Variants in RBFOX1 observed in about 807,000 individuals in gnomAD.
RBFOX1 encodes the protein RNA binding fox-1 homolog 1.
RBFOX1 carries 8 observed loss-of-function variants against 57.7 expected under a neutral mutation model. The observed-to-expected ratio is 0.14, with a 90% CI of 0.08 to 0.25. RBFOX1 has a LOEUF of 0.25. Ranked by LOEUF, RBFOX1 falls within the 10% of genes least tolerant of loss-of-function variation. The pLI, the probability that RBFOX1 is intolerant of heterozygous loss-of-function variation, is 1.00. For missense variants in RBFOX1, 611 were observed against 548.5 expected (o/e 1.11, Z -1.14); for synonymous variants, 326 against 222.4 (o/e 1.47, Z -4.15).
At chr16:6,970,946 G>A (rs1173909946) in intron 3 of RBFOX1, among the ~76,000 whole-genome samples, 1 of 152,138 alleles carries the variant, frequency 6.6e-6, no homozygotes, top group South Asian at 2.1e-4. Flanking sequence ...GCACACAGGT[G>A]CACGTGCATA....
intron 4 of RBFOX1, among the ~76,000 whole-genome samples, chr16:5,889,355 G>A (rs1017654936): frequency 3.3e-5 from 5 of 152,140 alleles, no homozygotes; most frequent in African/African-American, 1.2e-4. Context: ...GTTGGCTGAG[G>A]ATAATGGCTT....
chr16:6,134,313 G>A (rs1230799836), intron 1 of RBFOX1, among the ~76,000 whole-genome samples: 1 of 152,074 alleles, frequency 6.6e-6, no homozygotes, highest in African/African-American at 2.4e-5. Flanking sequence ...ATATTTTTAC[G>A]GTTATTGGAT....
rs1360395456 is a variant in RBFOX1 at position 5,325,522 on chromosome 16, C to T, written c.219+85417C>T. 2.0e-5 allele frequency among the ~76,000 whole-genome samples: 3 copies of T among 152,232 alleles called. No homozygotes were observed. In the East Asian group the frequency reaches 5.8e-4, roughly 29 times the overall value. ...TTAACACATATATAGATTTGCATATCTATCACTATAGTCAGGGTAAAGAAC... is the reference window on the plus strand; with the variant it reads ...TTAACACATATATAGATTTGCATATTTATCACTATAGTCAGGGTAAAGAAC... On this transcript the variant is annotated intron_variant, in intron 1 of 2. Transcript: ENST00000585867.
intron 1 of RBFOX1, among the ~76,000 whole-genome samples, chr16:5,390,514 C>T (rs909418522): frequency 6.6e-6 from 1 of 152,068 alleles, no homozygotes; most frequent in Admixed American, 6.5e-5. Context: ...GTCTCGAAGT[C>T]CTGACCTCAA....
chr16:7,264,062 T>C (rs2095035312), intron 4 of RBFOX1, among the ~76,000 whole-genome samples: 1 of 152,152 alleles, frequency 6.6e-6, no homozygotes, highest in Admixed American at 6.5e-5. Context: ...GCTTTTAGCA[T>C]TTTGTCATTG....
At chr16:7,430,175 T>C (rs2098665022) in intron 4 of RBFOX1, among the ~76,000 whole-genome samples, 1 of 152,230 alleles carries the variant, frequency 6.6e-6, no homozygotes, top group Non-Finnish European at 1.5e-5. Flanking sequence ...CATTTAAATA[T>C]TTTTGGATAA....
intron 2 of RBFOX1, among the ~76,000 whole-genome samples, chr16:5,507,171 G>A (rs183285859): frequency 2.2e-3 from 335 of 152,172 alleles, no homozygotes; most frequent in Non-Finnish European, 3.9e-3. Context: ...ACAAATTCGG[G>A]TGTGTGAATT....
At chr16:6,855,526 G>A (rs749160892) in intron 3 of RBFOX1, among the ~76,000 whole-genome samples, 1 of 151,840 alleles carries the variant, frequency 6.6e-6, no homozygotes, top group South Asian at 2.1e-4. Context: ...GATGGCAGGT[G>A]CCTGTAGTCC....
chr16:6,370,365 A>C (rs1600214517), intron 2 of RBFOX1, among the ~76,000 whole-genome samples: 2 of 19,070 alleles, frequency 1.0e-4, no homozygotes. Flanking sequence ...CTCAAAAGAA[A>C]AAAAAAAAAA....
chr16:7,299,943 G>C (rs965633426), intron 4 of RBFOX1, among the ~76,000 whole-genome samples: 13 of 152,196 alleles, frequency 8.5e-5, no homozygotes, highest in African/African-American at 3.1e-4. Context: ...ATCCAGATGT[G>C]ACCCCATCGC....
chr16:6,391,490 A>T (rs1425014748), intron 2 of RBFOX1, among the ~76,000 whole-genome samples: 1 of 151,306 alleles, frequency 6.6e-6, no homozygotes, highest in Non-Finnish European at 1.5e-5. Context: ...AGCCTGGGCA[A>T]CAGAACAAGA....
At chr16:6,642,830 T>C (rs559383113) in intron 2 of RBFOX1, among the ~76,000 whole-genome samples, 2 of 152,222 alleles carry the variant, frequency 1.3e-5, no homozygotes, top group African/African-American at 4.8e-5. Context: ...TTCCTCCAAA[T>C]GTTTATAAAG....
chr16:6,481,724 G>A (rs1020669466), intron 2 of RBFOX1, among the ~76,000 whole-genome samples: 2 of 152,078 alleles, frequency 1.3e-5, no homozygotes, highest in African/African-American at 4.8e-5. Flanking sequence ...AAAATAGTAG[G>A]GAGTGGAGCA....
At chr16:6,585,638 G>T (rs777365151) in intron 2 of RBFOX1, among the ~76,000 whole-genome samples, 4 of 152,110 alleles carry the variant, frequency 2.6e-5, no homozygotes, top group Admixed American at 2.0e-4. Flanking sequence ...CAATGACATA[G>T]ACTCTTTCTG....
chr16:7,610,442 T>C (rs1033083878), intron 10 of RBFOX1, among the ~76,000 whole-genome samples: 10 of 152,054 alleles, frequency 6.6e-5, no homozygotes, highest in African/African-American at 2.4e-4. Flanking sequence ...ATCATGCTAC[T>C]GCTCTGTGTG....
At chr16:6,871,780 G>A (rs187719970) in intron 3 of RBFOX1, among the ~76,000 whole-genome samples, 64 of 152,230 alleles carry the variant, frequency 4.2e-4, no homozygotes, top group African/African-American at 1.4e-3. Context: ...ACCTTCCGCT[G>A]ATTTTAGGAT....
At chr16:7,121,913 A>G (rs2067271858) in intron 4 of RBFOX1, among the ~76,000 whole-genome samples, 1 of 149,760 alleles carries the variant, frequency 6.7e-6, no homozygotes, top group Admixed American at 6.8e-5. Flanking sequence ...AAGGTACAAA[A>G]TCAAAGGAGA....
At chr16:6,724,629 C>G (rs1389674748) in intron 3 of RBFOX1, among the ~76,000 whole-genome samples, 1 of 152,128 alleles carries the variant, frequency 6.6e-6, no homozygotes, top group African/African-American at 2.4e-5. Context: ...TAGAAGCCAC[C>G]CAGTCTGTGG....
At chr16:6,123,331 A>G (rs530317335) in intron 1 of RBFOX1, among the ~76,000 whole-genome samples, 57 of 152,370 alleles carry the variant, frequency 3.7e-4, no homozygotes, top group South Asian at 1.2e-3. Flanking sequence ...ATTATAACAT[A>G]ATAAAATTCT....
Sources: allele counts gnomAD v4.1 joint callset (sites outside exome capture counted in the v4.1 genomes callset), GRCh38; gene constraint gnomAD v4.1.1; transcripts MANE v1.5; gene names NCBI Gene and HGNC (gene_info 2026-07-23, HGNC 2026-07-21).